The following B4GALT6 variants were observed in gnomAD, a reference collection of about 807,000 sequenced individuals.
The protein encoded by B4GALT6 is UDP-Gal:beta-GlcNAc beta-1,4-galactosyltransferase 6.
A neutral mutation model predicts 46.3 loss-of-function variants in B4GALT6; 14 were observed. The observed-to-expected ratio is 0.30, with a 90% CI of 0.20 to 0.47. The LOEUF (loss-of-function observed/expected upper bound fraction) is 0.47, where lower values mean the gene tolerates loss of function less well. Among genes scored for constraint, B4GALT6 ranks in the 20% least tolerant of loss-of-function variants. The probability of loss-of-function intolerance (pLI) is 0.99; values close to 1 mark genes in which losing one functional copy is unlikely to be tolerated. For synonymous variants in B4GALT6, 168 were observed against 162.0 expected (o/e 1.04, Z -0.28); for missense variants, 386 against 480.1 (o/e 0.80, Z 1.83).
chr18:31,713,399 C>T, the B4GALT6 span, among the ~76,000 whole-genome samples: 200 of 152,278 alleles, frequency 1.3e-3, 1 homozygote, highest in Middle Eastern at 6.8e-3. Flanking sequence ...TTACTGAGCA[C>T]GGACCTTAAG....
chr18:31,687,449 T>A (rs1363120259), upstream of B4GALT6, among the ~76,000 whole-genome samples: 1 of 152,198 alleles, frequency 6.6e-6, no homozygotes, highest in Non-Finnish European at 1.5e-5. Flanking sequence ...CAGCTCATGT[T>A]TAAAACAGAG....
the B4GALT6 span, among the ~76,000 whole-genome samples, chr18:31,693,942 G>A: frequency 1.3e-5 from 2 of 152,164 alleles, no homozygotes. Flanking sequence ...CAGCCTGGGA[G>A]ACAGAGTGAG....
rs66578099 is a variant in B4GALT6 at position 31,649,575 on chromosome 18, CAAAAAAAAA to C, written c.347-4105_347-4097del. Reference sequence around the variant, plus strand: ...AAAAACAACCCCATTAAAAAATGAGCAAAAAAAAAAAAAAAAAAATGAGCAAAAGATACT... The same window carrying C: ...AAAAACAACCCCATTAAAAAATGAGCAAAAAAAAAATGAGCAAAAGATACT... On this transcript the variant is annotated intron_variant, in intron 3 of 8. Coordinates refer to ENST00000306851, the MANE Select transcript of B4GALT6 (RefSeq NM_004775.5). 2.8e-3 allele frequency among the ~76,000 whole-genome samples: 289 copies of C among 102,428 alleles called. 3 individuals carry two copies. The highest frequency in any genetic ancestry group is 8.9e-3 in the African/African-American group (273 of 30,644). 67.2% of individuals were successfully genotyped at this position (102,428 alleles called of 152,430 possible). A position where few individuals can be genotyped will look rare whatever the true frequency, so the allele number is the denominator to read the frequency against.
At chr18:31,681,875 C>G (rs1216053002) in intron 1 of B4GALT6, among the ~76,000 whole-genome samples, 1 of 152,154 alleles carries the variant, frequency 6.6e-6, no homozygotes, top group Non-Finnish European at 1.5e-5. Context: ...ACATTTTAGT[C>G]ATAAACACAT....
intron 4 of B4GALT6, 37 bp downstream of exon 4, chr18:31,645,318 T>A: frequency 6.2e-7 from 1 of 1,611,338 alleles, no homozygotes; most frequent in Non-Finnish European, 8.5e-7. Context: ...AAATGCTCAG[T>A]AACAATCAAA....
intron 1 of B4GALT6, among the ~76,000 whole-genome samples, chr18:31,680,365 C>G (rs1009897062): frequency 4.6e-5 from 7 of 152,168 alleles, no homozygotes; most frequent in Admixed American, 4.6e-4. Context: ...GAGGAAAGGA[C>G]CTAAGATACC....
In B4GALT6 at chr18:31,648,738, TTAAAA is replaced by T. The variant is rs1567968153; in HGVS notation, c.347-3264_347-3260del. On this transcript the variant is annotated intron_variant, in intron 3 of 8. Coordinates refer to ENST00000306851, the MANE Select transcript of B4GALT6 (RefSeq NM_004775.5). ...TACTTTTTCTATTAAAATATAATTC[TTAAAA>T]TAACAAATATTCAAAACCTATGAAT... Among the ~76,000 whole-genome samples the T allele has an allele frequency of 2.0e-5, 3 of 152,264 alleles. No individual in the cohort carries two copies. The East Asian group carries it at 5.8e-4, about 29-fold the overall frequency.
the B4GALT6 span, among the ~76,000 whole-genome samples, chr18:31,711,420 T>A: frequency 6.6e-6 from 1 of 151,766 alleles, no homozygotes; most frequent in East Asian, 2.0e-4. Context: ...CCCTCCATCC[T>A]CAAGTAGACC....
intron 1 of B4GALT6, among the ~76,000 whole-genome samples, chr18:31,682,991 A>G (rs953359988): frequency 1.3e-5 from 2 of 152,198 alleles, no homozygotes; most frequent in Non-Finnish European, 2.9e-5. Flanking sequence ...TTTCTGGCCT[A>G]AAGGAAAACT....
intron 1 of B4GALT6, among the ~76,000 whole-genome samples, chr18:31,671,367 T>C (rs1209780417): frequency 6.6e-6 from 1 of 152,200 alleles, no homozygotes; most frequent in African/African-American, 2.4e-5. Context: ...CCACCAACAG[T>C]GTAAAAGTGT....
chr18:31,719,726 G>A, the B4GALT6 span, among the ~76,000 whole-genome samples: 74 of 152,294 alleles, frequency 4.9e-4, no homozygotes, highest in South Asian at 2.1e-4. Context: ...AGTGGGGAGT[G>A]CCGTTTGATC....
intron 3 of B4GALT6, among the ~76,000 whole-genome samples, chr18:31,652,593 A>T (rs1304914515): frequency 6.6e-6 from 1 of 152,154 alleles, no homozygotes; most frequent in Non-Finnish European, 1.5e-5. Flanking sequence ...ACCCCAAGTT[A>T]ACCCTCTTGA....
At chr18:31,721,903 T>A in the B4GALT6 span, among the ~76,000 whole-genome samples, 73 of 152,302 alleles carry the variant, frequency 4.8e-4, 1 homozygote, top group South Asian at 0.015. Flanking sequence ...TGTGTGTGTG[T>A]GTATGTGTGT....
intron 1 of B4GALT6, among the ~76,000 whole-genome samples, chr18:31,678,270 G>A (rs1470570759): frequency 6.6e-6 from 1 of 152,080 alleles, no homozygotes; most frequent in Admixed American, 6.5e-5. Flanking sequence ...GTAAGGAAAG[G>A]AGCACTTATA....
the B4GALT6 span, chr18:31,724,259 T>G: frequency 2.7e-6 from 1 of 375,612 alleles, no homozygotes; most frequent in Non-Finnish European, 4.8e-6. Flanking sequence ...CGCCAGCGCT[T>G]GTCTTGTCCC....
intron 6 of B4GALT6, among the ~76,000 whole-genome samples, chr18:31,629,227 A>G (rs1031027665): frequency 2.0e-5 from 3 of 152,196 alleles, no homozygotes; most frequent in Non-Finnish European, 2.9e-5. Flanking sequence ...GGCTATTAGT[A>G]GTTAAGCTTT....
At chr18:31,722,004 T>C in the B4GALT6 span, among the ~76,000 whole-genome samples, 1 of 152,136 alleles carries the variant, frequency 6.6e-6, no homozygotes, top group Non-Finnish European at 1.5e-5. Flanking sequence ...AACTAGGAAT[T>C]CTACACTAGG....
chr18:31,632,548 A>G (rs2073804476), intron 5 of B4GALT6, among the ~76,000 whole-genome samples: 1 of 152,230 alleles, frequency 6.6e-6, no homozygotes, highest in Non-Finnish European at 1.5e-5. Context: ...GAGAGTTCTG[A>G]TATTTCTTGC....
chr18:31,707,111 T>C, the B4GALT6 span, among the ~76,000 whole-genome samples: 4 of 152,174 alleles, frequency 2.6e-5, no homozygotes, highest in Non-Finnish European at 5.9e-5. Flanking sequence ...TGGGAAACTA[T>C]TTACCTTGCA....
Sources: allele counts gnomAD v4.1 joint callset (sites outside exome capture counted in the v4.1 genomes callset), GRCh38; gene constraint gnomAD v4.1.1; transcripts MANE v1.5; gene names NCBI Gene and HGNC (gene_info 2026-07-23, HGNC 2026-07-21).